DNAJB4: variants seen among roughly 807,000 people sequenced by gnomAD.
DNAJB4 encodes the protein DnaJ heat shock protein family (Hsp40) member B4.
Under a neutral mutation model 26.6 loss-of-function variants are expected in DNAJB4, and 10 were observed. The observed-to-expected ratio is 0.38, with a 90% CI of 0.23 to 0.64. The LOEUF (loss-of-function observed/expected upper bound fraction) is 0.64, where lower values mean the gene tolerates loss of function less well. Among genes scored for constraint, DNAJB4 ranks in the 30% least tolerant of loss-of-function variants. The pLI is 0.58. For synonymous variants in DNAJB4, 136 were observed against 134.8 expected (o/e 1.01, Z -0.06); for missense variants, 328 against 408.2 (o/e 0.80, Z 1.69).
upstream of DNAJB4, among the ~76,000 whole-genome samples, chr1:78,004,109 C>T (rs1011205826): frequency 6.6e-6 from 1 of 152,154 alleles, no homozygotes; most frequent in Non-Finnish European, 1.5e-5. Flanking sequence ...TATGTACTGT[C>T]TGTAACCTGA....
chr1:77,991,795 A>T (rs1659937015), intron 1 of DNAJB4, among the ~76,000 whole-genome samples: 1 of 152,188 alleles, frequency 6.6e-6, no homozygotes, highest in Non-Finnish European at 1.5e-5. Flanking sequence ...GTTGCTAAGC[A>T]CAAGAAGGCT....
In DNAJB4 at chr1:78,005,233, A is replaced by G. The variant is rs746240855; in HGVS notation, c.123A>G (p.Ala41=). Reference sequence around the variant, plus strand: ...CGGACAAGAACAAATCTCCTCAGGCAGAGGAAAAATTTAAAGAGGTCGCAG... The same window carrying G: ...CGGACAAGAACAAATCTCCTCAGGCGGAGGAAAAATTTAAAGAGGTCGCAG... ...FHPDKNKSPQ[A]EEKFKEVAEA... Residue 41 remains alanine, a synonymous_variant, in exon 1 of 3, where the codon GCA becomes GCG. Coordinates refer to ENST00000370763, the MANE Select transcript of DNAJB4 (RefSeq NM_007034.5). The G allele has an allele frequency of 5.6e-5, 90 of 1,614,032 alleles. No individual in the cohort carries two copies. In the East Asian group the frequency reaches 2.0e-3, roughly 36 times the overall value.
Position 78,016,315 on chromosome 1 carries a change from A to G in DNAJB4, c.*68A>G. 1.5e-6 allele frequency: 2 copies of G among 1,327,132 alleles called. No individual in the cohort carries two copies. Among genetic ancestry groups the G allele is most frequent in the Non-Finnish European group, 2.1e-6 (2 of 945,510 alleles). 82.2% of individuals were successfully genotyped at this position (1,327,132 alleles called of 1,614,324 possible). A position where few individuals can be genotyped will look rare whatever the true frequency, so the allele number is the denominator to read the frequency against. ...ATATAAAAGGACTGGTAGTTTACTG[A>G]TGTAGATGTGAATTCTGTATAAAGA... On this transcript the variant is annotated 3_prime_UTR_variant, in exon 3 of 3. Coordinates refer to ENST00000370763, the MANE Select transcript of DNAJB4 (RefSeq NM_007034.5).
At chr1:77,982,044 G>A (rs7549028) in intron 1 of DNAJB4, among the ~76,000 whole-genome samples, 3,693 of 152,166 alleles carry the variant, frequency 0.024, 50 homozygotes, top group Middle Eastern at 0.065. Flanking sequence ...TGAAAGTTTG[G>A]GACTCCTGAA....
chr1:77,985,390 A>C (rs1054076095), intron 1 of DNAJB4, among the ~76,000 whole-genome samples: 19 of 152,056 alleles, frequency 1.2e-4, no homozygotes, highest in African/African-American at 4.6e-4. Context: ...TGATATTCTC[A>C]CTTCATTTAA....
At chr1:78,009,138 CAT>C (rs948038105) in intron 1 of DNAJB4, among the ~76,000 whole-genome samples, 9 of 151,888 alleles carry the variant, frequency 5.9e-5, no homozygotes, top group South Asian at 2.1e-4. Context: ...GTTCTAAAAA[CAT>C]GTAAGTAAAT....
intron 1 of DNAJB4, among the ~76,000 whole-genome samples, chr1:78,008,736 TAATA>T (rs973104499): frequency 1.9e-4 from 29 of 152,148 alleles, no homozygotes; most frequent in African/African-American, 5.8e-4. Context: ...TTTATATATG[TAATA>T]AATCTTTTTA....
At chr1:78,014,127 CTTT>C (rs200230733) in intron 2 of DNAJB4, among the ~76,000 whole-genome samples, 1 of 145,554 alleles carries the variant, frequency 6.9e-6, no homozygotes, top group Non-Finnish European at 1.5e-5. Flanking sequence ...TGCACTATTT[CTTT>C]TTTTTTTTTG....
chr1:77,992,412 CAAAAAAAA>C (rs67649336), intron 1 of DNAJB4, among the ~76,000 whole-genome samples: 3 of 47,742 alleles, frequency 6.3e-5, no homozygotes, highest in African/African-American at 8.2e-5. Flanking sequence ...GACTCCGTCT[CAAAAAAAA>C]AAAAAAAAAA....
At chr1:78,006,592 T>C (rs181056600) in intron 1 of DNAJB4, among the ~76,000 whole-genome samples, 1 of 152,298 alleles carries the variant, frequency 6.6e-6, no homozygotes, top group East Asian at 1.9e-4. Context: ...TTTTGTTTTG[T>C]TTAGCTTTTT....
intron 1 of DNAJB4, among the ~76,000 whole-genome samples, chr1:78,011,030 A>G (rs1178242869): frequency 6.6e-6 from 1 of 151,874 alleles, no homozygotes; most frequent in African/African-American, 2.4e-5. Flanking sequence ...AATCTGTTGG[A>G]TTTTTCATAG....
At chr1:78,000,061 TAAC>T (rs1248468419), upstream of DNAJB4, among the ~76,000 whole-genome samples, 2 of 152,222 alleles carry the variant, frequency 1.3e-5, no homozygotes, top group African/African-American at 4.8e-5. Flanking sequence ...TTTTAAATTT[TAAC>T]AAAATCAACA....
At chr1:78,003,245 C>A (rs1660235193), upstream of DNAJB4, among the ~76,000 whole-genome samples, 1 of 152,008 alleles carries the variant, frequency 6.6e-6, no homozygotes, top group African/African-American at 2.4e-5. Context: ...CTTAAGGTGA[C>A]TGGATATTAG....
At chr1:78,011,537 T>C (rs1355572072) in intron 1 of DNAJB4, among the ~76,000 whole-genome samples, 1 of 150,034 alleles carries the variant, frequency 6.7e-6, no homozygotes, top group Non-Finnish European at 1.5e-5. Context: ...CAGGCCGGAG[T>C]GCAATGGTGC....
intron 1 of DNAJB4, among the ~76,000 whole-genome samples, chr1:77,981,999 C>G (rs957449653): frequency 6.6e-6 from 1 of 152,128 alleles, no homozygotes; most frequent in African/African-American, 2.4e-5. Context: ...GACAACACTC[C>G]CAGCTTTCCA....
chr1:78,007,051 C>G (rs1271382108), intron 1 of DNAJB4, among the ~76,000 whole-genome samples: 1 of 152,068 alleles, frequency 6.6e-6, no homozygotes, highest in Non-Finnish European at 1.5e-5. Flanking sequence ...TTAACATTAT[C>G]TCTTAATAGT....
At chr1:78,014,975 T>C (rs1010711691) in intron 2 of DNAJB4, among the ~76,000 whole-genome samples, 1 of 152,186 alleles carries the variant, frequency 6.6e-6, no homozygotes, top group Non-Finnish European at 1.5e-5. Context: ...CCTGCTCTAA[T>C]ACCTACCTGC....
intron 1 of DNAJB4, among the ~76,000 whole-genome samples, chr1:77,982,153 A>G (rs1659665714): frequency 6.6e-6 from 1 of 152,230 alleles, no homozygotes; most frequent in South Asian, 2.1e-4. Context: ...AAGCTGCTAT[A>G]TACAAATATG....
chr1:77,995,265 T>G (rs1660033766), intron 1 of DNAJB4, among the ~76,000 whole-genome samples: 1 of 152,230 alleles, frequency 6.6e-6, no homozygotes, highest in African/African-American at 2.4e-5. Flanking sequence ...GTTTTTACTT[T>G]AAAAAAATAT....
Sources: gnomAD v4.1 joint callset for allele counts (sites outside exome capture counted in the v4.1 genomes callset) on GRCh38, gnomAD v4.1.1 for gene constraint, MANE v1.5 for transcripts, NCBI Gene and HGNC (gene_info 2026-07-23, HGNC 2026-07-21) for gene names.